WNK3: variants seen among roughly 807,000 people sequenced by gnomAD.
WNK3 encodes serine/threonine-protein kinase WNK3.
Under a neutral mutation model 116.7 loss-of-function variants are expected in WNK3, and 18 were observed. The observed-to-expected ratio is 0.15, with a 90% CI of 0.11 to 0.23. The LOEUF is 0.23. Among genes scored for constraint, WNK3 ranks in the 10% least tolerant of loss-of-function variants. The pLI is 1.00. For synonymous variants in WNK3, 404 were observed against 469.4 expected (o/e 0.86, Z 1.80); for missense variants, 993 against 1,323.8 (o/e 0.75, Z 3.88).
chrX:54,311,785 G>T (rs781796489), intron 2 of WNK3, among the ~76,000 whole-genome samples: 1 of 111,663 alleles, frequency 9.0e-6, no homozygotes, highest in South Asian at 3.8e-4. Flanking sequence ...ATTCAAATAG[G>T]CATTGGACCT....
At chrX:54,252,065 C>CAAAAA (rs782229094) in intron 13 of WNK3, among the ~76,000 whole-genome samples, 6 of 29,353 alleles carry the variant, frequency 2.0e-4, no homozygotes, top group Admixed American at 4.1e-4. Flanking sequence ...AACTCTGTCT[C>CAAAAA]AAAAAAAAAA....
At chrX:54,350,138 G>A (rs1341793955) in intron 1 of WNK3, among the ~76,000 whole-genome samples, 2 of 111,536 alleles carry the variant, frequency 1.8e-5, no homozygotes, top group African/African-American at 6.5e-5. Context: ...GGCCAGGTGC[G>A]GTGGCTCACG....
chrX:54,277,822 G>A (rs2068468070), intron 10 of WNK3, among the ~76,000 whole-genome samples: 3 of 111,642 alleles, frequency 2.7e-5, no homozygotes, highest in Non-Finnish European at 3.8e-5. Flanking sequence ...GCCAGGCACA[G>A]TGGCTCACAC....
intron 1 of WNK3, among the ~76,000 whole-genome samples, chrX:54,344,408 C>G (rs1187309604): frequency 9.0e-6 from 1 of 110,591 alleles, no homozygotes; most frequent in Non-Finnish European, 1.9e-5. Flanking sequence ...CCACTGCACT[C>G]CAGCCTGGGT....
chrX:54,226,451 C>T (rs1164688310), intron 22 of WNK3, among the ~76,000 whole-genome samples: 5 of 74,299 alleles, frequency 6.7e-5, no homozygotes, highest in Non-Finnish European at 9.3e-5. Context: ...GCCTGGGCGA[C>T]AGGGTGAGAC....
chrX:54,279,808 A>G (rs2068494016), intron 10 of WNK3, among the ~76,000 whole-genome samples: 1 of 111,769 alleles, frequency 8.9e-6, no homozygotes, highest in African/African-American at 3.2e-5. Context: ...TTAACTGTAC[A>G]CTATAAATAT....
At chrX:54,220,377 G>A (rs2067748555) in intron 22 of WNK3, among the ~76,000 whole-genome samples, 2 of 109,788 alleles carry the variant, frequency 1.8e-5, no homozygotes, top group Non-Finnish European at 3.8e-5. Flanking sequence ...AACATAAGGA[G>A]ACCCCATCTC....
chrX:54,300,462 T>C (rs1426132676), intron 6 of WNK3, among the ~76,000 whole-genome samples: 1 of 111,946 alleles, frequency 8.9e-6, no homozygotes, highest in African/African-American at 3.2e-5. Flanking sequence ...CCTCAACCTA[T>C]TATCCTTTTA....
intron 22 of WNK3, among the ~76,000 whole-genome samples, chrX:54,213,584 T>TAAAAAAAAAAAAAAAAAAAAA (rs2067648065): frequency 3.0e-5 from 2 of 66,576 alleles, no homozygotes; most frequent in Non-Finnish European, 5.3e-5. Context: ...AAAAAAAAAC[T>TAAAAAAAAAAAAAAAAAAAAA]AGGGGAAAAA....
At chrX:54,205,250 A>G (rs1448747288) in intron 22 of WNK3, among the ~76,000 whole-genome samples, 2 of 90,856 alleles carry the variant, frequency 2.2e-5, no homozygotes, top group Non-Finnish European at 4.1e-5. Flanking sequence ...CAACCAACCA[A>G]CCAACCAACC....
chrX:54,309,038 C>G (rs2068857121), intron 4 of WNK3, 57 bp downstream of exon 4: 11 of 1,031,621 alleles, frequency 1.1e-5, no homozygotes, highest in Non-Finnish European at 1.2e-5. Context: ...TGTTCTAGAC[C>G]TATACAATTG....
intron 7 of WNK3, among the ~76,000 whole-genome samples, chrX:54,296,979 C>T (rs1381013198): frequency 9.0e-6 from 1 of 110,955 alleles, no homozygotes; most frequent in African/African-American, 3.3e-5. Context: ...CTGGTCTGCA[C>T]ACTAGCCCTG....
At chrX:54,295,032 G>C (rs1479215481) in intron 7 of WNK3, among the ~76,000 whole-genome samples, 185 bp from the exon 8 acceptor site, 1 of 107,709 alleles carries the variant, frequency 9.3e-6, no homozygotes, top group Admixed American at 1.0e-4. Context: ...AAGTAGCTGG[G>C]ATTACAGGTG....
At chrX:54,215,926 C>T (rs1422881294) in intron 22 of WNK3, among the ~76,000 whole-genome samples, 2 of 111,537 alleles carry the variant, frequency 1.8e-5, no homozygotes, top group Non-Finnish European at 3.8e-5. Context: ...CCATTTTGTT[C>T]TGTACTAAGA....
At chrX:54,284,539 A>T (rs1215491891) in intron 10 of WNK3, among the ~76,000 whole-genome samples, 1 of 112,134 alleles carries the variant, frequency 8.9e-6, no homozygotes, top group Non-Finnish European at 1.9e-5. Context: ...TTTACAAAAA[A>T]AAAAACTTAT....
At chrX:54,345,265 CAA>C (rs2069401207) in intron 1 of WNK3, among the ~76,000 whole-genome samples, 2 of 101,494 alleles carry the variant, frequency 2.0e-5, no homozygotes, top group Non-Finnish European at 4.0e-5. Flanking sequence ...ACAACAACAA[CAA>C]CAACAACTAT....
At position 54,202,202 on chromosome X, in the gene WNK3, C is replaced by T; in HGVS notation, c.4871-9G>A. On this transcript the variant is annotated splice_polypyrimidine_tract_variant and intron_variant, in intron 22 of 23. Coordinates refer to ENST00000354646, the Ensembl canonical transcript of WNK3. ...CTCCACACACAGTGGATCTATAAGA[C>T]AAAAAAAACAACAACAGGGAAACCA... The T allele has an allele frequency of 8.6e-7, 1 of 1,163,168 alleles. No homozygotes were observed.
chrX:54,333,077 A>T, intron 2 of WNK3, 60 bp downstream of exon 2: 1 of 851,733 alleles, frequency 1.2e-6, no homozygotes, highest in Non-Finnish European at 1.7e-6. Flanking sequence ...CATGAATCAC[A>T]CAGAAGGCCA....
At chrX:54,313,762 A>G (rs2068915294) in intron 2 of WNK3, among the ~76,000 whole-genome samples, 1 of 112,348 alleles carries the variant, frequency 8.9e-6, no homozygotes, top group African/African-American at 3.2e-5. Flanking sequence ...AAATGCTATT[A>G]GAGGTTATTT....
Sources: gnomAD v4.1 joint callset for allele counts (sites outside exome capture counted in the v4.1 genomes callset) on GRCh38, gnomAD v4.1.1 for gene constraint, MANE v1.5 for transcripts, NCBI Gene and HGNC (gene_info 2026-07-23, HGNC 2026-07-21) for gene names.